The following ZNF589 variants were observed in gnomAD, a reference collection of about 807,000 sequenced individuals.
The protein encoded by ZNF589 is zinc finger protein 589, also known as KRAB-zinc finger protein SZF1-1.
ZNF589 carries 17 observed loss-of-function variants against 13.6 expected under a neutral mutation model. The observed-to-expected ratio is 1.25, with a 90% confidence interval of 0.86 to 1.88. The LOEUF is 1.88. Ranked by LOEUF, ZNF589 falls within the 40% of genes most tolerant of loss-of-function variation. The pLI is 0.00. For synonymous variants in ZNF589, 148 were observed against 161.6 expected (o/e 0.92, Z 0.64); for missense variants, 407 against 434.0 (o/e 0.94, Z 0.55).
At position 48,269,844 on chromosome 3, in the gene ZNF589, G is replaced by A. The variant is rs1303069702; in HGVS notation, c.*1058G>A. 5 of 362,760 alleles carry A rather than the reference G, an allele frequency of 1.4e-5. No homozygotes were observed. The highest frequency in any genetic ancestry group is 2.2e-5 in the Non-Finnish European group (4 of 185,418). 22.5% of individuals were successfully genotyped at this position (362,760 alleles called of 1,614,324 possible). A position where few individuals can be genotyped will look rare whatever the true frequency, so the allele number is the denominator to read the frequency against. On this transcript the variant is annotated 3_prime_UTR_variant, in exon 4 of 4. Transcript: ENST00000354698. ...TTGTCACGTGTCAGAGGACACACTC[G>A]GGAGAAACCTTCATGGAGTGAGAGT...
At chr3:48,255,991 T>C (rs1025600550) in intron 2 of ZNF589, among the ~76,000 whole-genome samples, 1 of 152,216 alleles carries the variant, frequency 6.6e-6, no homozygotes, top group Non-Finnish European at 1.5e-5. Context: ...TTCTTTAGCC[T>C]GTTAACATGG....
At chr3:48,257,985 G>A (rs772816387) in intron 2 of ZNF589, 6 of 443,238 alleles carry the variant, frequency 1.4e-5, no homozygotes, top group Non-Finnish European at 2.7e-5. Context: ...CAGGTAGCGT[G>A]ATCTCTCTTA....
intron 2 of ZNF589, among the ~76,000 whole-genome samples, chr3:48,254,065 G>T (rs1175490579): frequency 1.3e-5 from 2 of 152,044 alleles, no homozygotes; most frequent in Non-Finnish European, 2.9e-5. Context: ...ACTCCAGCCT[G>T]GGTGACAGAG....
chr3:48,242,685 C>G (rs1179197369), intron 1 of ZNF589, among the ~76,000 whole-genome samples: 1 of 152,190 alleles, frequency 6.6e-6, no homozygotes, highest in Non-Finnish European at 1.5e-5. Flanking sequence ...GACTAGTGGT[C>G]TGCTGTTGTG....
intron 2 of ZNF589, among the ~76,000 whole-genome samples, chr3:48,254,533 A>T (rs954593143): frequency 6.6e-6 from 1 of 152,194 alleles, no homozygotes; most frequent in African/African-American, 2.4e-5. Context: ...CTGGGTTTGC[A>T]TTGAATCTAT....
At chr3:48,263,397 G>A (rs1396696483) in intron 3 of ZNF589, among the ~76,000 whole-genome samples, 3 of 152,118 alleles carry the variant, frequency 2.0e-5, no homozygotes, top group Admixed American at 1.3e-4. Flanking sequence ...GGCGTGAGCC[G>A]CCACGCCCGG....
rs773762503 is a variant in ZNF589, at chr3:48,269,315, AC to A, written c.*532del. 6.5e-6 allele frequency: 9 copies of A among 1,374,998 alleles called. No individual in the cohort carries two copies. The South Asian group carries it at 1.1e-4, about 17-fold the overall frequency. 85.2% of individuals were successfully genotyped at this position (1,374,998 alleles called of 1,614,324 possible). On this transcript the variant is annotated 3_prime_UTR_variant, in exon 4 of 4. Coordinates refer to ENST00000354698, the MANE Select transcript of ZNF589 (RefSeq NM_016089.3). ...TGGGCGAGGCTTTATAGCTCAGTCA[AC>A]CCTCCACTACCACCGGAGTACACAC...
At position 48,269,026 on chromosome 3, in the gene ZNF589, G is replaced by T; in HGVS notation, c.*240G>T. On this transcript the variant is annotated 3_prime_UTR_variant, in exon 4 of 4. Transcript: ENST00000354698. ...CACACTCAGGGGAGAAGCCTTATGTGTGTGGGGAATGTGGGCGGGGATTTA... is the reference window on the plus strand; with the variant it reads ...CACACTCAGGGGAGAAGCCTTATGTTTGTGGGGAATGTGGGCGGGGATTTA... 1.4e-6 allele frequency: 1 copy of T among 703,446 alleles called. No individual in the cohort carries two copies. The highest frequency in any genetic ancestry group is 2.6e-5 in the East Asian group (1 of 38,030). 43.6% of individuals were successfully genotyped at this position (703,446 alleles called of 1,614,324 possible). A position where few individuals can be genotyped will look rare whatever the true frequency, so the allele number is the denominator to read the frequency against.
chr3:48,264,464 C>T (rs1350760120), intron 3 of ZNF589, among the ~76,000 whole-genome samples: 3 of 151,202 alleles, frequency 2.0e-5, no homozygotes, highest in East Asian at 1.9e-4. Flanking sequence ...ACTTGGGAGG[C>T]GGAAGTTGCA....
At position 48,250,821 on chromosome 3, in the gene ZNF589, C is replaced by G. The variant is rs368114530; in HGVS notation, c.96+3144C>G. On this transcript the variant is annotated intron_variant, in intron 2 of 3. Coordinates refer to ENST00000354698, the MANE Select transcript of ZNF589 (RefSeq NM_016089.3). ...GTGAATATTTTGTTCTAGCCTAGAGCCTGCCTATTCGTTTTCTTAACGTCT... is the reference window on the plus strand; with the variant it reads ...GTGAATATTTTGTTCTAGCCTAGAGGCTGCCTATTCGTTTTCTTAACGTCT... 3.7e-4 allele frequency among the ~76,000 whole-genome samples: 56 copies of G among 152,236 alleles called. 1 individual carries two copies. The highest frequency in any genetic ancestry group is 1.7e-3 in the Admixed American group (26 of 15,294).
In ZNF589 at chr3:48,268,770, A is replaced by C; in HGVS notation, c.1079A>C (p.Tyr360Ser). The stretch of plus-strand genomic sequence containing the variant: ...AGAATTCACACGGGGGATAAGCCTT[A>C]TGTGTGCAGAGATTGAGGCCGAGGC... Reference protein sequence around the residue: ...HQRIHTGDKPYVCRD With the variant: ...HQRIHTGDKPSVCRD The change falls in exon 4 of 4, where the codon TAT becomes TCT. Residue 360 changes from tyrosine (Y) to serine (S), a missense_variant. Coordinates refer to ENST00000354698, the MANE Select transcript of ZNF589 (RefSeq NM_016089.3). 6.2e-7 allele frequency: 1 copy of C among 1,613,268 alleles called. No individual in the cohort carries two copies.
rs757180540 is a variant in ZNF589, at chr3:48,268,052, C to A, written c.361C>A (p.Pro121Thr). The A allele has an allele frequency of 4.3e-6, 7 of 1,614,224 alleles. No individual in the cohort carries two copies. In the South Asian group the frequency reaches 7.7e-5, roughly 18 times the overall value. Reference protein sequence around the residue: ...HAGNQLHPGNPCPEDQPQSQH... With the variant: ...HAGNQLHPGNTCPEDQPQSQH... ...AGGAAATCAACTCCACCCAGGAAATCCCTGCCCAGAGGATCAGCCACAGTC... is the reference window on the plus strand; with the variant it reads ...AGGAAATCAACTCCACCCAGGAAATACCTGCCCAGAGGATCAGCCACAGTC... Residue 121 changes from proline to threonine, a missense_variant, in exon 4 of 4, where the codon CCC becomes ACC. Physicochemically the swap from Pro to Thr is conservative, Grantham distance 38. Transcript: ENST00000354698.
At position 48,268,970 on chromosome 3, in the gene ZNF589, C is replaced by A; in HGVS notation, c.*184C>A. 1.1e-6 allele frequency: 1 copy of A among 904,018 alleles called. No homozygotes were observed. The highest frequency in any genetic ancestry group is 2.5e-5 in the East Asian group (1 of 40,050). The allele number at this position is 904,018 out of a possible 1,614,324, so 56.0% of individuals were successfully genotyped here. On this transcript the variant is annotated 3_prime_UTR_variant, in exon 4 of 4. Transcript: ENST00000354698. ...TGAGGAGTGTGGGCATGGATTTAGC[C>A]AGAAGTCGTCGCTCAAATCACATCG...
chr3:48,261,730 A>G (rs2033970680), intron 3 of ZNF589, among the ~76,000 whole-genome samples: 2 of 152,206 alleles, frequency 1.3e-5, no homozygotes, highest in Non-Finnish European at 2.9e-5. Flanking sequence ...TGGCATAGCT[A>G]TGAATTACAT....
chr3:48,264,330 C>T (rs2033997804), intron 3 of ZNF589, among the ~76,000 whole-genome samples: 1 of 151,288 alleles, frequency 6.6e-6, no homozygotes, highest in Admixed American at 6.6e-5. Context: ...GTCAGGATTT[C>T]GAGACCGGCA....
In ZNF589 at chr3:48,269,051, A is replaced by T; in HGVS notation, c.*265A>T. Reference sequence around the variant, plus strand: ...GTGTGGGGAATGTGGGCGGGGATTTAGCCGGAGGATAGTCCTCAATGGACA... The same window carrying T: ...GTGTGGGGAATGTGGGCGGGGATTTTGCCGGAGGATAGTCCTCAATGGACA... On this transcript the variant is annotated 3_prime_UTR_variant, in exon 4 of 4. Transcript: ENST00000354698. The T allele has an allele frequency of 3.2e-6, 2 of 623,896 alleles. No individual in the cohort carries two copies. Among genetic ancestry groups the T allele is most frequent in the Non-Finnish European group, 5.6e-6 (2 of 359,246 alleles). 38.6% of individuals were successfully genotyped at this position (623,896 alleles called of 1,614,324 possible). A position where few individuals can be genotyped will look rare whatever the true frequency, so the allele number is the denominator to read the frequency against.
intron 1 of ZNF589, among the ~76,000 whole-genome samples, chr3:48,243,067 TAA>T (rs1316258685): frequency 7.1e-6 from 1 of 141,478 alleles, no homozygotes; most frequent in African/African-American, 2.6e-5. Context: ...AATGAGACTC[TAA>T]AAAAAAAAAA....
intron 2 of ZNF589, among the ~76,000 whole-genome samples, chr3:48,249,339 G>A (rs1408859791): frequency 6.6e-6 from 1 of 152,190 alleles, no homozygotes; most frequent in African/African-American, 2.4e-5. Context: ...CTGACCTCAG[G>A]TGATCTGCCT....
intron 1 of ZNF589, among the ~76,000 whole-genome samples, chr3:48,246,746 G>A (rs2033770822): frequency 6.6e-6 from 1 of 152,114 alleles, no homozygotes; most frequent in Admixed American, 6.6e-5. Flanking sequence ...TCGGCACACT[G>A]CAAGCTCTGC....
Sources: allele counts gnomAD v4.1 joint callset (sites outside exome capture counted in the v4.1 genomes callset), GRCh38; gene constraint gnomAD v4.1.1; transcripts MANE v1.5; gene names NCBI Gene and HGNC (gene_info 2026-07-23, HGNC 2026-07-21).